Variants in LRP1B observed in about 807,000 individuals in gnomAD.
LRP1B encodes the protein low-density lipoprotein receptor-related protein 1B.
Under a neutral mutation model 556.6 loss-of-function variants are expected in LRP1B, and 217 were observed. The observed-to-expected ratio is 0.39, with a 90% CI of 0.35 to 0.44. The LOEUF (loss-of-function observed/expected upper bound fraction) is 0.44, where lower values mean the gene tolerates loss of function less well. Ranked by LOEUF, LRP1B falls within the 20% of genes least tolerant of loss-of-function variation. LRP1B has a pLI of 1.00. For missense variants in LRP1B, 5,053 were observed against 5,620.8 expected, an observed-to-expected ratio of 0.90 and a Z score of 3.23; for synonymous variants, 2,047 against 1,865.8, an observed-to-expected ratio of 1.10 and a Z score of -2.50.
At chr2:140,387,615 C>A (rs984200412) in intron 66 of LRP1B, among the ~76,000 whole-genome samples, 1 of 151,614 alleles carries the variant, frequency 6.6e-6, no homozygotes, top group Admixed American at 6.6e-5. Flanking sequence ...TCCCTTCCTC[C>A]TTTTCTTCCT....
chr2:141,927,322 T>C (rs1194217928), intron 1 of LRP1B, among the ~76,000 whole-genome samples: 1 of 152,198 alleles, frequency 6.6e-6, no homozygotes, highest in Non-Finnish European at 1.5e-5. Context: ...ACTTCAGAAC[T>C]GTCCTCTACC....
chr2:140,255,715 T>A (rs1350488798), intron 86 of LRP1B, among the ~76,000 whole-genome samples: 1 of 152,204 alleles, frequency 6.6e-6, no homozygotes, highest in African/African-American at 2.4e-5. Flanking sequence ...GGAATGCACA[T>A]ACATATACAG....
At chr2:142,115,870 G>T (rs1384919386) in intron 1 of LRP1B, among the ~76,000 whole-genome samples, 1 of 104,078 alleles carries the variant, frequency 9.6e-6, no homozygotes, top group African/African-American at 3.5e-5. Flanking sequence ...ATATATATAT[G>T]GGGGAAGTGA....
At chr2:140,951,804 C>T (rs571440255) in intron 19 of LRP1B, 56 bp downstream of exon 19, 17 of 1,385,466 alleles carry the variant, frequency 1.2e-5, no homozygotes, top group African/African-American at 1.1e-4. Flanking sequence ...CCAGGCAGTC[C>T]AGACCGCCAA....
At chr2:141,120,027 G>A (rs13396437) in intron 7 of LRP1B, among the ~76,000 whole-genome samples, 9,007 of 151,894 alleles carry the variant, frequency 0.059, 630 homozygotes, top group African/African-American at 0.16. Context: ...GGTAGGAAAT[G>A]CTCAATAATT....
chr2:141,230,352 A>G lies in LRP1B; in HGVS notation c.593-912T>C, dbSNP rs77797401. On this transcript the variant is annotated intron_variant, in intron 5 of 90. Coordinates refer to ENST00000389484, the MANE Select transcript of LRP1B (RefSeq NM_018557.3). ...CCACTTCTCAGTAATGACTGCTACT[A>G]TCCTGCCATGATCACTCATCTAGAT... Among the ~76,000 whole-genome samples, 1,422 of 152,260 alleles carry G rather than the reference A, an allele frequency of 9.3e-3. 16 individuals carry two copies. The highest frequency in any genetic ancestry group is 0.038 in the East Asian group (194 of 5,158).
intron 35 of LRP1B, among the ~76,000 whole-genome samples, chr2:140,751,991 A>G (rs2104896621): frequency 6.6e-6 from 1 of 152,230 alleles, no homozygotes; most frequent in African/African-American, 2.4e-5. Context: ...TTTAGTCTGA[A>G]TGGAAGAGGA....
In LRP1B at chr2:141,161,494, G is replaced by GACTAGAAT. The variant is rs1365518092; in HGVS notation, c.1013+26919_1013+26926dup. Among the ~76,000 whole-genome samples, 4 of 152,274 alleles carry GACTAGAAT rather than the reference G, an allele frequency of 2.6e-5. No individual in the cohort carries two copies. In the East Asian group the frequency reaches 7.7e-4, roughly 29 times the overall value. ...ATAATGAAGTCATTTTTGACGAAAA[G>GACTAGAAT]ACTAGAATTCTATCACCAAAATAAA... is the stretch of plus-strand genomic sequence containing the variant. On this transcript the variant is annotated intron_variant, in intron 7 of 90. Transcript: ENST00000389484.
intron 41 of LRP1B, among the ~76,000 whole-genome samples, chr2:140,639,411 G>T (rs1684193355): frequency 6.6e-6 from 1 of 152,094 alleles, no homozygotes; most frequent in South Asian, 2.1e-4. Flanking sequence ...AGATTCTAAG[G>T]CATCTTGCTC....
rs902023221 is a variant in LRP1B at position 141,982,185 on chromosome 2, G to A, written c.82+148463C>T. Among the ~76,000 whole-genome samples the A allele has an allele frequency of 4.7e-4, 71 of 152,118 alleles. 1 individual carries two copies. Among genetic ancestry groups the A allele is most frequent in the African/African-American group, 1.3e-3 (54 of 41,442 alleles). ...GCTAACTCAATCCGTACAGTTCTCC[G>A]TAGGTGGGTAGGTGGAGACAATGTC... On this transcript the variant is annotated intron_variant, in intron 1 of 90. Transcript: ENST00000389484.
chr2:141,221,714 C>A (rs1177338159), intron 6 of LRP1B, among the ~76,000 whole-genome samples: 1 of 152,090 alleles, frequency 6.6e-6, no homozygotes, highest in African/African-American at 2.4e-5. Context: ...TAACTGAAAT[C>A]ATTACCAACT....
At chr2:141,683,341 G>C (rs1356677618) in intron 2 of LRP1B, among the ~76,000 whole-genome samples, 1 of 152,096 alleles carries the variant, frequency 6.6e-6, no homozygotes, top group Non-Finnish European at 1.5e-5. Context: ...TGAGGAGCAT[G>C]GTACAGGAAA....
At chr2:140,631,366 C>T (rs1265878731) in intron 41 of LRP1B, among the ~76,000 whole-genome samples, 1 of 152,098 alleles carries the variant, frequency 6.6e-6, no homozygotes, top group Non-Finnish European at 1.5e-5. Context: ...GTTATCAGAC[C>T]AGAAACTTCC....
intron 2 of LRP1B, among the ~76,000 whole-genome samples, chr2:141,611,859 T>C (rs1688118742): frequency 6.6e-6 from 1 of 152,204 alleles, no homozygotes; most frequent in African/African-American, 2.4e-5. Context: ...GGTCTCATTT[T>C]ATTTGAGGAA....
intron 3 of LRP1B, among the ~76,000 whole-genome samples, chr2:141,317,326 G>A (rs530077067): frequency 6.6e-6 from 1 of 152,254 alleles, no homozygotes; most frequent in Admixed American, 6.5e-5. Flanking sequence ...CAATCAATGT[G>A]TCCGCTGGGT....
chr2:141,117,122 G>A (rs1017232140), intron 7 of LRP1B, among the ~76,000 whole-genome samples: 2 of 151,592 alleles, frequency 1.3e-5, no homozygotes, highest in African/African-American at 4.8e-5. Context: ...ATTGACTTTT[G>A]TCACTAACAC....
chr2:141,190,934 A>G (rs1681475192), intron 6 of LRP1B, among the ~76,000 whole-genome samples: 3 of 151,700 alleles, frequency 2.0e-5, no homozygotes, highest in Admixed American at 1.3e-4. Flanking sequence ...TACTGCAAAA[A>G]CTCTCTAACC....
chr2:141,461,035 GA>G (rs113023717), intron 3 of LRP1B, among the ~76,000 whole-genome samples: 4,640 of 145,132 alleles, frequency 0.032, 113 homozygotes, highest in South Asian at 0.042. Flanking sequence ...AGCTAGACTG[GA>G]AAAAAAAAAA....
At chr2:140,278,574 C>A (rs374643208) in intron 84 of LRP1B, among the ~76,000 whole-genome samples, 1 of 151,748 alleles carries the variant, frequency 6.6e-6, no homozygotes, top group Non-Finnish European at 1.5e-5. Context: ...ATGTCAGATG[C>A]GCATTATTCA....
Sources: gnomAD v4.1 joint callset for allele counts (sites outside exome capture counted in the v4.1 genomes callset) on GRCh38, gnomAD v4.1.1 for gene constraint, MANE v1.5 for transcripts, NCBI Gene and HGNC (gene_info 2026-07-23, HGNC 2026-07-21) for gene names.